The following ABCA5 variants were observed in gnomAD, a reference collection of about 807,000 sequenced individuals.
ABCA5 encodes the protein cholesterol transporter ABCA5.
Under a neutral mutation model 206.0 loss-of-function variants are expected in ABCA5, and 163 were observed. That is an observed-to-expected ratio of 0.79 (90% CI 0.70 to 0.90). The LOEUF (loss-of-function observed/expected upper bound fraction) is 0.90, where lower values mean the gene tolerates loss of function less well. Among genes scored for constraint, ABCA5 ranks in the 40% least tolerant of loss-of-function variants. ABCA5 has a pLI of 0.00. For synonymous variants in ABCA5, 609 were observed against 613.8 expected (o/e 0.99, Z 0.11); for missense variants, 1,859 against 1,912.9 (o/e 0.97, Z 0.53).
intron 1 of ABCA5, among the ~76,000 whole-genome samples, chr17:69,320,991 G>A (rs566171925): frequency 1.3e-5 from 2 of 152,156 alleles, no homozygotes; most frequent in East Asian, 3.9e-4. Flanking sequence ...AGAAGACAGA[G>A]AAACAAGATA....
chr17:69,263,631 C>G (rs575632604), intron 24 of ABCA5, among the ~76,000 whole-genome samples: 1 of 149,428 alleles, frequency 6.7e-6, no homozygotes, highest in South Asian at 2.1e-4. Flanking sequence ...GTCACTGGAG[C>G]CTTTATAGTA....
At chr17:69,274,700 A>G (rs1004899200) in intron 19 of ABCA5, among the ~76,000 whole-genome samples, 9 of 152,160 alleles carry the variant, frequency 5.9e-5, no homozygotes, top group African/African-American at 2.2e-4. Context: ...TGTATTTTAG[A>G]TCAGTGATGC....
Position 69,261,711 on chromosome 17 carries a change from A to T in ABCA5, c.3353T>A (p.Leu1118Gln). 6.6e-7 allele frequency: 1 copy of T among 1,505,704 alleles called. No homozygotes were observed. The highest frequency in any genetic ancestry group is 2.4e-5 in the Admixed American group (1 of 40,988). The allele number at this position is 1,505,704 out of a possible 1,614,324, so 93.3% of individuals were successfully genotyped here. ...GGTGAAAGAAGCAATATAAGTGAAC[A>T]GAATAACTGATGGAACATAACCAAT... ...CLIGYVPSVILFTYIASFTFK... is the reference protein window; with the variant it reads ...CLIGYVPSVIQFTYIASFTFK... The change falls in exon 25 of 39, where the codon CTG (leucine) becomes CAG (glutamine). Residue 1118 changes from leucine (L) to glutamine (Q), a missense_variant. Transcript: ENST00000392676.
At chr17:69,247,902 T>C (rs976603394) in intron 38 of ABCA5, among the ~76,000 whole-genome samples, 2 of 151,984 alleles carry the variant, frequency 1.3e-5, no homozygotes, top group African/African-American at 4.8e-5. Context: ...TACACTAATG[T>C]GAAACACCAC....
intron 8 of ABCA5, among the ~76,000 whole-genome samples, chr17:69,302,110 G>A (rs1469917414): frequency 2.0e-5 from 3 of 152,062 alleles, no homozygotes; most frequent in African/African-American, 7.2e-5. Context: ...CTTATATTTA[G>A]TAATTACATT....
Position 69,303,837 on chromosome 17 carries a change from T to TACAC in ABCA5, c.930+831_930+832insGTGT, listed in dbSNP as rs56401478. Among the ~76,000 whole-genome samples, 17 of 6,110 alleles carry TACAC rather than the reference T, an allele frequency of 2.8e-3. 1 individual carries two copies. The highest frequency in any genetic ancestry group is 3.9e-3 in the African/African-American group (17 of 4,348). 4.0% of individuals were successfully genotyped at this position (6,110 alleles called of 152,430 possible). Reference sequence around the variant, plus strand: ...ACATATATATATATGTATATATATATATACATACATATATATATGTATATA... The same window carrying TACAC: ...ACATATATATATATGTATATATATATACACATACATACATATATATATGTATATA... On this transcript the variant is annotated intron_variant, in intron 7 of 38. Transcript: ENST00000392676.
intron 20 of ABCA5, among the ~76,000 whole-genome samples, chr17:69,272,858 C>T (rs1296299001): frequency 6.6e-6 from 1 of 152,140 alleles, no homozygotes; most frequent in Non-Finnish European, 1.5e-5. Context: ...ATAATCATTC[C>T]TAGCCATGCT....
At chr17:69,287,561 T>C (rs898265450) in intron 15 of ABCA5, 52 bp downstream of exon 15, 13 of 1,569,830 alleles carry the variant, frequency 8.3e-6, no homozygotes, top group Non-Finnish European at 1.0e-5. Context: ...TCTATATCCA[T>C]CTTCCTTTTG....
rs1249938640 is a variant in ABCA5, at chr17:69,314,426, T to C, written c.-11A>G. 2 of 1,578,546 alleles carry C rather than the reference T, an allele frequency of 1.3e-6. No homozygotes were observed. The highest frequency in any genetic ancestry group is 1.7e-6 in the Non-Finnish European group (2 of 1,150,940). ...AATTGCAGTGGACATGTTTTCTGAA[T>C]AAACCTATTAAAGAGGAAAAACAAA... On this transcript the variant is annotated 5_prime_UTR_variant, in exon 2 of 39. Transcript: ENST00000392676.
intron 1 of ABCA5, among the ~76,000 whole-genome samples, chr17:69,320,093 C>T (rs1161102795): frequency 6.6e-6 from 1 of 152,086 alleles, no homozygotes; most frequent in Non-Finnish European, 1.5e-5. Context: ...AAAATGGTGG[C>T]TTGTACATGG....
chr17:69,248,302 G>T lies in ABCA5; in HGVS notation c.4781C>A (p.Ala1594Asp). 1 of 1,563,306 alleles carries T rather than the reference G, an allele frequency of 6.4e-7. No homozygotes were observed. Among genetic ancestry groups the T allele is most frequent in the Non-Finnish European group, 8.7e-7 (1 of 1,145,020 alleles). The change falls in exon 38 of 39, where the codon GCC (alanine) becomes GAC (aspartate). Residue 1594 changes from alanine to aspartate, a missense_variant. Ala to Asp is a moderately radical substitution (Grantham distance 126, BLOSUM62 -2). Coordinates refer to ENST00000392676, the MANE Select transcript of ABCA5 (RefSeq NM_172232.4). ...TTGAGAAAAGCTATATTCTTCAATGGCAAAAGCATGTTTAGCTATTAAAAT... is the reference window on the plus strand; with the variant it reads ...TTGAGAAAAGCTATATTCTTCAATGTCAAAAGCATGTTTAGCTATTAAAAT... ...FKLEEAKHAF[A>D]IEEYSFSQAT... is the part of the protein sequence containing the mutation.
intron 19 of ABCA5, among the ~76,000 whole-genome samples, chr17:69,277,260 C>T (rs980545856): frequency 4.6e-5 from 7 of 151,518 alleles, no homozygotes; most frequent in South Asian, 4.2e-4. Context: ...CAAAAAATAG[C>T]GAAAAAATAG....
At position 69,251,802 on chromosome 17, in the gene ABCA5, C is replaced by A. The variant is rs761010710; in HGVS notation, c.4480G>T (p.Glu1494Ter). Reference protein sequence around the residue: ...RAAILTTHYMEEAEAVCDRVA... With the variant: ...RAAILTTHYM ...CGATCACAGACAGCCTCTGCCTCCT[C>A]CATATAGTGAGTGGTCAGAATAGCA... The change falls in exon 35 of 39, where the codon GAG (glutamate) becomes TAG (stop). Residue 1494 changes from glutamate to a stop codon, truncating the protein, a stop_gained. Coordinates refer to ENST00000392676, the MANE Select transcript of ABCA5 (RefSeq NM_172232.4). LOFTEE classifies it high-confidence loss of function. 4.3e-6 allele frequency: 7 copies of A among 1,614,022 alleles called. No homozygotes were observed. The highest frequency in any genetic ancestry group is 5.9e-6 in the Non-Finnish European group (7 of 1,179,982).
chr17:69,314,724 G>A (rs974824546), intron 1 of ABCA5: 3 of 240,212 alleles, frequency 1.2e-5, no homozygotes, highest in African/African-American at 2.2e-5. Context: ...AGCTCCAGAA[G>A]AAGCCTTAGC....
At chr17:69,290,501 A>T (rs1026437129) in intron 12 of ABCA5, among the ~76,000 whole-genome samples, 2 of 152,156 alleles carry the variant, frequency 1.3e-5, no homozygotes, top group African/African-American at 4.8e-5. Context: ...AATTAAAACA[A>T]TCATACATTA....
chr17:69,306,329 C>T (rs950245265), intron 6 of ABCA5, among the ~76,000 whole-genome samples: 4 of 151,960 alleles, frequency 2.6e-5, no homozygotes, highest in African/African-American at 9.7e-5. Flanking sequence ...TATATATATG[C>T]TATATTATGG....
At chr17:69,280,671 T>C (rs1241383912) in intron 18 of ABCA5, among the ~76,000 whole-genome samples, 1 of 150,496 alleles carries the variant, frequency 6.6e-6, no homozygotes, top group Admixed American at 6.6e-5. Flanking sequence ...TAAGAAAATG[T>C]GGCACATATA....
chr17:69,281,876 A>G (rs938631942), intron 18 of ABCA5, among the ~76,000 whole-genome samples: 2 of 152,198 alleles, frequency 1.3e-5, no homozygotes, highest in South Asian at 4.1e-4. Flanking sequence ...GATTTTAATC[A>G]TCACCCACTC....
At chr17:69,304,594 C>T in intron 7 of ABCA5, 75 bp downstream of exon 7, 1 of 1,270,076 alleles carries the variant, frequency 7.9e-7, no homozygotes, top group Non-Finnish European at 1.0e-6. Context: ...TATAAGTAAA[C>T]TGAAGAAAAA....
Sources: gnomAD v4.1 joint callset for allele counts (sites outside exome capture counted in the v4.1 genomes callset) on GRCh38, gnomAD v4.1.1 for gene constraint, MANE v1.5 for transcripts, NCBI Gene and HGNC (gene_info 2026-07-23, HGNC 2026-07-21) for gene names.